The following BRINP3 variants were observed in gnomAD, a reference collection of about 807,000 sequenced individuals.
BRINP3 encodes BMP/retinoic acid inducible neural specific 3, also known as BMP/retinoic acid-inducible neural-specific protein 3.
Under a neutral mutation model 71.0 loss-of-function variants are expected in BRINP3, and 19 were observed. The ratio of observed to expected loss-of-function variants is 0.27; its 90% CI spans 0.19 to 0.39. BRINP3 has a LOEUF of 0.39. Among genes scored for constraint, BRINP3 ranks in the 10% least tolerant of loss-of-function variants. BRINP3 has a pLI of 1.00. For missense variants in BRINP3, 959 were observed against 940.8 expected, an observed-to-expected ratio of 1.02 and a Z score of -0.25; for synonymous variants, 380 against 337.7, an observed-to-expected ratio of 1.13 and a Z score of -1.37.
chr1:190,273,077 A>G (rs1662253372), intron 3 of BRINP3, among the ~76,000 whole-genome samples: 1 of 150,916 alleles, frequency 6.6e-6, no homozygotes, highest in Non-Finnish European at 1.5e-5. Context: ...ATTGTGCATA[A>G]CTATCATACT....
chr1:190,184,754 G>A (rs890497061), intron 6 of BRINP3, among the ~76,000 whole-genome samples: 5 of 152,008 alleles, frequency 3.3e-5, no homozygotes, highest in African/African-American at 9.7e-5. Context: ...AAGGAGGGAG[G>A]GAGACAAGAT....
chr1:190,309,138 A>G (rs1665336169), intron 2 of BRINP3, among the ~76,000 whole-genome samples: 1 of 151,838 alleles, frequency 6.6e-6, no homozygotes, highest in Admixed American at 6.6e-5. Flanking sequence ...AACTCATACT[A>G]CGGCATGTGT....
At chr1:190,247,481 C>T (rs952993472) in intron 4 of BRINP3, among the ~76,000 whole-genome samples, 1 of 151,904 alleles carries the variant, frequency 6.6e-6, no homozygotes, top group South Asian at 2.1e-4. Flanking sequence ...TTGCATTTCA[C>T]AGATATTGGT....
In BRINP3 at chr1:190,098,574, TCA is replaced by T; in HGVS notation, c.1743_1744del (p.Ser583LeufsTer7). The T allele has an allele frequency of 1.2e-6, 2 of 1,614,162 alleles. No individual in the cohort carries two copies. Among genetic ancestry groups the T allele is most frequent in the Non-Finnish European group, 1.7e-6 (2 of 1,180,030 alleles). On this transcript the variant is annotated frameshift_variant, in exon 8 of 8. Transcript: ENST00000367462. LOFTEE classifies it high-confidence loss of function. ...TTCATTCACAGGCATAAACCAGCTC[TCA>T]GAGTGGCTGCCTCCGAAGGGATTGA...
Position 190,101,649 on chromosome 1 carries a change from T to C in BRINP3, c.1185-2515A>G, listed in dbSNP as rs1182904180. Among the ~76,000 whole-genome samples the C allele has an allele frequency of 2.0e-5, 3 of 152,182 alleles. No individual in the cohort carries two copies. The South Asian group carries it at 6.2e-4, about 31-fold the overall frequency. ...AGTTCTCATTTATGTATATCTAATA[T>C]AAACTACATAAAATATACATCCTAT... is the stretch of plus-strand genomic sequence containing the variant. On this transcript the variant is annotated intron_variant, in intron 7 of 7. Transcript: ENST00000367462.
At chr1:190,218,497 A>G (rs1267554814) in intron 6 of BRINP3, among the ~76,000 whole-genome samples, 1 of 152,126 alleles carries the variant, frequency 6.6e-6, no homozygotes, top group African/African-American at 2.4e-5. Flanking sequence ...ACTGGATGTT[A>G]TTATATATGT....
At chr1:190,215,863 A>G (rs989775114) in intron 6 of BRINP3, among the ~76,000 whole-genome samples, 10 of 151,932 alleles carry the variant, frequency 6.6e-5, no homozygotes, top group African/African-American at 2.4e-4. Flanking sequence ...CCAAGTGGTA[A>G]CACATTTTTT....
In BRINP3 at chr1:190,457,058, C is replaced by T. The variant is rs12746689; in HGVS notation, c.-50-2118G>A. On this transcript the variant is annotated intron_variant, in intron 1 of 7. Coordinates refer to ENST00000367462, the MANE Select transcript of BRINP3 (RefSeq NM_199051.3). ...ATCAGATTTTCTCCAAACCCAACAA[C>T]CAATATAGCAAATTAGGATATATAA... is the stretch of plus-strand genomic sequence containing the variant. 2.2e-3 allele frequency among the ~76,000 whole-genome samples: 336 copies of T among 152,224 alleles called. No homozygotes were observed. In the Middle Eastern group the frequency reaches 0.024, roughly 11 times the overall value.
chr1:190,116,401 C>T (rs915829688), intron 7 of BRINP3, among the ~76,000 whole-genome samples: 9 of 152,042 alleles, frequency 5.9e-5, no homozygotes, highest in Non-Finnish European at 1.0e-4. Context: ...AGAAAATTAG[C>T]TTTCAAAGTG....
intron 2 of BRINP3, among the ~76,000 whole-genome samples, chr1:190,392,237 T>A (rs772308866): frequency 6.6e-6 from 1 of 151,650 alleles, no homozygotes; most frequent in African/African-American, 2.4e-5. Flanking sequence ...ATAAATAATG[T>A]CAAACTGGAC....
intron 7 of BRINP3, among the ~76,000 whole-genome samples, chr1:190,130,693 T>C (rs73054800): frequency 0.053 from 8,026 of 152,160 alleles, 711 homozygotes; most frequent in African/African-American, 0.18. Flanking sequence ...CAGCCAGGGA[T>C]TGTGTTTCTC....
chr1:190,454,946 C>T lies in BRINP3; in HGVS notation c.-50-6G>A. The T allele has an allele frequency of 4.4e-6, 6 of 1,369,234 alleles. No homozygotes were observed. The highest frequency in any genetic ancestry group is 6.2e-6 in the Non-Finnish European group (6 of 971,932). The allele number at this position is 1,369,234 out of a possible 1,614,324, so 84.8% of individuals were successfully genotyped here. ...TCTCAGCTTTCCCTCAACACCTAGACAAAATACACAGGCAATTAGTTAACT... is the reference window on the plus strand; with the variant it reads ...TCTCAGCTTTCCCTCAACACCTAGATAAAATACACAGGCAATTAGTTAACT... On this transcript the variant is annotated splice_polypyrimidine_tract_variant and splice_region_variant and intron_variant, in intron 1 of 7. Transcript: ENST00000367462.
At chr1:190,376,923 G>T (rs1490372168) in intron 2 of BRINP3, among the ~76,000 whole-genome samples, 1 of 152,008 alleles carries the variant, frequency 6.6e-6, no homozygotes, top group African/African-American at 2.4e-5. Flanking sequence ...GTCTAGAGCA[G>T]TGCTATCCAG....
chr1:190,292,159 G>C (rs1269441164), intron 2 of BRINP3, among the ~76,000 whole-genome samples: 1 of 152,114 alleles, frequency 6.6e-6, no homozygotes, highest in Non-Finnish European at 1.5e-5. Context: ...GGAGCCATGG[G>C]AGGGTTTGGA....
chr1:190,448,202 C>A (rs976072590), intron 2 of BRINP3, among the ~76,000 whole-genome samples: 2 of 151,444 alleles, frequency 1.3e-5, no homozygotes, highest in Admixed American at 6.6e-5. Flanking sequence ...TAATTGATTT[C>A]TTTAAATTTG....
At chr1:190,204,688 T>A (rs953510844) in intron 6 of BRINP3, among the ~76,000 whole-genome samples, 1 of 152,020 alleles carries the variant, frequency 6.6e-6, no homozygotes, top group Non-Finnish European at 1.5e-5. Context: ...GACTATAGAA[T>A]CTCTAATATA....
intron 2 of BRINP3, among the ~76,000 whole-genome samples, chr1:190,350,221 C>G (rs909913514): frequency 6.6e-6 from 1 of 152,056 alleles, no homozygotes; most frequent in African/African-American, 2.4e-5. Context: ...TTTCATTCAT[C>G]GCTCTACAAA....
At chr1:190,306,108 A>C (rs1465055289) in intron 2 of BRINP3, among the ~76,000 whole-genome samples, 2 of 151,884 alleles carry the variant, frequency 1.3e-5, no homozygotes, top group African/African-American at 4.8e-5. Flanking sequence ...TTGAAGACTC[A>C]TAATAATTTG....
At chr1:190,381,370 T>C (rs1303140374) in intron 2 of BRINP3, among the ~76,000 whole-genome samples, 1 of 152,114 alleles carries the variant, frequency 6.6e-6, no homozygotes, top group Non-Finnish European at 1.5e-5. Flanking sequence ...GAGCACAAAT[T>C]ATTTGGCCTC....
Sources: gnomAD v4.1 joint callset for allele counts (sites outside exome capture counted in the v4.1 genomes callset) on GRCh38, gnomAD v4.1.1 for gene constraint, MANE v1.5 for transcripts, NCBI Gene and HGNC (gene_info 2026-07-23, HGNC 2026-07-21) for gene names.